GSE1: variants seen among roughly 807,000 people sequenced by gnomAD.
The protein encoded by GSE1 is Gse1 coiled-coil protein.
GSE1 carries 32 observed loss-of-function variants against 112.6 expected under a neutral mutation model. The ratio of observed to expected loss-of-function variants is 0.28; its 90% confidence interval spans 0.21 to 0.38. The LOEUF (loss-of-function observed/expected upper bound fraction) is 0.38, where lower values mean the gene tolerates loss of function less well. Ranked by LOEUF, GSE1 falls within the 10% of genes least tolerant of loss-of-function variation. GSE1 has a pLI of 1.00. For synonymous variants in GSE1, 1,115 were observed against 735.6 expected (o/e 1.52, Z -8.35); for missense variants, 2,348 against 1,699.2 (o/e 1.38, Z -6.71).
At chr16:85,171,285 C>T in exon 1 of GSE1, 3 of 985,624 alleles carry the variant, frequency 3.0e-6, no homozygotes, top group Non-Finnish European at 3.6e-6. Flanking sequence ...CGGCCCAGGG[C>T]GGCCCCGTGT....
At chr16:85,619,024 G>C (rs1237583873) in intron 1 of GSE1, among the ~76,000 whole-genome samples, 1 of 152,246 alleles carries the variant, frequency 6.6e-6, no homozygotes, top group Admixed American at 6.5e-5. Flanking sequence ...CTCCCTTGCG[G>C]TGTTGGGGGT....
At chr16:85,506,416 C>T (rs779686242) in intron 2 of GSE1, among the ~76,000 whole-genome samples, 20 of 152,126 alleles carry the variant, frequency 1.3e-4, no homozygotes, top group East Asian at 1.9e-4. Context: ...GGCGTCCAAG[C>T]GTAGCCCTGA....
At chr16:85,668,994 T>C (rs906310505) in intron 14 of GSE1, among the ~76,000 whole-genome samples, 12 of 152,380 alleles carry the variant, frequency 7.9e-5, no homozygotes, top group African/African-American at 2.9e-4. Flanking sequence ...CACCTGGGAA[T>C]GCACACACCA....
intron 2 of GSE1, among the ~76,000 whole-genome samples, chr16:85,487,676 C>A (rs1252758260): frequency 6.6e-6 from 1 of 152,144 alleles, no homozygotes; most frequent in Non-Finnish European, 1.5e-5. Flanking sequence ...TTGATGGCGA[C>A]CCCAGAATAG....
In GSE1 at chr16:85,447,671, T is replaced by C. The variant is rs545033238; in HGVS notation, c.2464+90028T>C. 7.9e-5 allele frequency among the ~76,000 whole-genome samples: 12 copies of C among 152,296 alleles called. No homozygotes were observed. The South Asian group carries it at 1.5e-3, about 18-fold the overall frequency. ...ACCAGATGAGGCCACGGAGGCTCTG[T>C]GGGGCTCGGAGCTTCTGTAGGATCA... is the stretch of plus-strand genomic sequence containing the variant. On this transcript the variant is annotated intron_variant, in intron 2 of 2. Transcript: ENST00000637419.
Position 85,232,286 on chromosome 16 carries a change from A to G in GSE1, c.2283+60479A>G, listed in dbSNP as rs1378952679. Reference sequence around the variant, plus strand: ...TGTGCTCCCCAGGGGCCTCACTTTGAAAAGGCCAACCCTCGTTTATCTGAA... The same window carrying G: ...TGTGCTCCCCAGGGGCCTCACTTTGGAAAGGCCAACCCTCGTTTATCTGAA... On this transcript the variant is annotated intron_variant, in intron 1 of 2. Transcript: ENST00000637419. 2.6e-5 allele frequency among the ~76,000 whole-genome samples: 4 copies of G among 152,186 alleles called. No individual in the cohort carries two copies. The East Asian group carries it at 7.7e-4, about 29-fold the overall frequency.
intron 1 of GSE1, among the ~76,000 whole-genome samples, chr16:85,210,016 A>G (rs1306091017): frequency 1.3e-5 from 2 of 152,270 alleles, no homozygotes; most frequent in Non-Finnish European, 2.9e-5. Flanking sequence ...AGTCTAAACT[A>G]TTAGCATAAT....
intron 14 of GSE1, 183 bp from the exon 15 acceptor site, chr16:85,670,812 G>A (rs1338924737): frequency 1.7e-5 from 8 of 471,882 alleles, no homozygotes; most frequent in Middle Eastern, 5.5e-4. Context: ...ATTTAGTGAC[G>A]TTTATGTATT....
In GSE1 at chr16:85,259,506, C is replaced by T. The variant is rs368346254; in HGVS notation, c.2283+87699C>T. 4.2e-4 allele frequency among the ~76,000 whole-genome samples: 64 copies of T among 152,362 alleles called. 1 individual carries two copies. Among genetic ancestry groups the T allele is most frequent in the South Asian group, 2.9e-3 (14 of 4,830 alleles). On this transcript the variant is annotated intron_variant, in intron 1 of 2. Transcript: ENST00000637419. ...GCGGGGTGTGGGCTGGAGGCCCTCA[C>T]GGCCGGCTTGTTTTGCCCCAGGGCA... is the stretch of plus-strand genomic sequence containing the variant.
chr16:85,363,852 CT>C (rs1245153055), intron 2 of GSE1, among the ~76,000 whole-genome samples: 1 of 152,154 alleles, frequency 6.6e-6, no homozygotes, highest in African/African-American at 2.4e-5. Flanking sequence ...ACAGCATGCC[CT>C]CCGTCTCTAC....
At chr16:85,403,986 C>T (rs2048181830) in intron 2 of GSE1, among the ~76,000 whole-genome samples, 1 of 149,426 alleles carries the variant, frequency 6.7e-6, no homozygotes, top group South Asian at 2.2e-4. Flanking sequence ...GCCTTCAGGG[C>T]AGGCATCTTC....
chr16:85,533,399 G>A (rs1202563681), intron 2 of GSE1, among the ~76,000 whole-genome samples: 5 of 151,370 alleles, frequency 3.3e-5, no homozygotes, highest in Admixed American at 1.3e-4. Context: ...CAGCCTGGGC[G>A]ACACAGCGAG....
chr16:85,175,258 C>T (rs533811925), intron 1 of GSE1, among the ~76,000 whole-genome samples: 3 of 152,152 alleles, frequency 2.0e-5, no homozygotes, highest in Non-Finnish European at 2.9e-5. Flanking sequence ...GCACCTGACT[C>T]GTGCCTCCTT....
chr16:85,620,128 T>G lies in GSE1; in HGVS notation c.7+6730T>G, dbSNP rs112499324. ...TCTCTACAAAAAATAAAAATAAAAATAAAAAGAACTGGCCAGGCTTGGTGG... is the reference window on the plus strand; with the variant it reads ...TCTCTACAAAAAATAAAAATAAAAAGAAAAAGAACTGGCCAGGCTTGGTGG... On this transcript the variant is annotated intron_variant, in intron 1 of 15. Coordinates refer to ENST00000253458, the MANE Select transcript of GSE1 (RefSeq NM_014615.5). Among the ~76,000 whole-genome samples, 269 of 151,980 alleles carry G rather than the reference T, an allele frequency of 1.8e-3. 1 individual carries two copies. The highest frequency in any genetic ancestry group is 0.014 in the Middle Eastern group (4 of 294).
intron 2 of GSE1, among the ~76,000 whole-genome samples, chr16:85,360,703 C>G (rs1328092564): frequency 6.6e-6 from 1 of 152,014 alleles, no homozygotes; most frequent in African/African-American, 2.4e-5. Flanking sequence ...TACATACACG[C>G]AAACACACAG....
intron 1 of GSE1, among the ~76,000 whole-genome samples, chr16:85,561,394 C>T (rs542666541): frequency 3.0e-4 from 46 of 152,264 alleles, no homozygotes; most frequent in African/African-American, 8.4e-4. Flanking sequence ...GGGAGCTGGC[C>T]GCTGGCGTTG....
chr16:85,224,227 C>A (rs1015884505), intron 1 of GSE1, among the ~76,000 whole-genome samples: 8 of 134,466 alleles, frequency 5.9e-5, no homozygotes, highest in Admixed American at 1.7e-4. Flanking sequence ...TTGAAGGATG[C>A]GCATGAAAAG....
intron 1 of GSE1, among the ~76,000 whole-genome samples, chr16:85,618,961 G>T (rs1400552422): frequency 6.6e-6 from 1 of 152,242 alleles, no homozygotes; most frequent in East Asian, 1.9e-4. Flanking sequence ...ACTGTGTCCA[G>T]CTTGGCTTTA....
At chr16:85,426,749 A>G (rs927540259) in intron 2 of GSE1, among the ~76,000 whole-genome samples, 1 of 152,166 alleles carries the variant, frequency 6.6e-6, no homozygotes, top group African/African-American at 2.4e-5. Flanking sequence ...GGATGGATGG[A>G]TGAATGAACC....
Sources: allele counts gnomAD v4.1 joint callset (sites outside exome capture counted in the v4.1 genomes callset), GRCh38; gene constraint gnomAD v4.1.1; transcripts MANE v1.5; gene names NCBI Gene and HGNC (gene_info 2026-07-23, HGNC 2026-07-21).